Variants in TMX1 observed in about 807,000 individuals in gnomAD.
TMX1 encodes thioredoxin related transmembrane protein 1.
TMX1 carries 25 observed loss-of-function variants against 36.6 expected under a neutral mutation model. The observed-to-expected ratio is 0.68, with a 90% CI of 0.50 to 0.95. The LOEUF is 0.95. Ranked by LOEUF, TMX1 falls within the 40% of genes least tolerant of loss-of-function variation. The pLI is 0.00. For synonymous variants in TMX1, 133 were observed against 118.0 expected (o/e 1.13, Z -0.82); for missense variants, 347 against 339.6 (o/e 1.02, Z -0.17).
intron 4 of TMX1, among the ~76,000 whole-genome samples, chr14:51,247,826 A>G (rs890920241): frequency 6.6e-6 from 1 of 152,218 alleles, no homozygotes; most frequent in East Asian, 1.9e-4. Flanking sequence ...AAGAGTCTTC[A>G]CAGTGTAATG....
In TMX1 at chr14:51,249,777, T is replaced by C. The variant is rs751398346; in HGVS notation, c.664+12T>C. ...CCCATACCCTTCAAGTAAGTATATTTTAAAATGTTTATTTTTTATTCACGA... is the reference window on the plus strand; with the variant it reads ...CCCATACCCTTCAAGTAAGTATATTCTAAAATGTTTATTTTTTATTCACGA... On this transcript the variant is annotated intron_variant, in intron 7 of 7. Coordinates refer to ENST00000457354, the MANE Select transcript of TMX1 (RefSeq NM_030755.5). The C allele has an allele frequency of 3.2e-6, 5 of 1,579,458 alleles. No individual in the cohort carries two copies. Among genetic ancestry groups the C allele is most frequent in the Non-Finnish European group, 4.3e-6 (5 of 1,158,322 alleles).
intron 4 of TMX1, among the ~76,000 whole-genome samples, chr14:51,248,021 G>C (rs1172252258): frequency 6.6e-6 from 1 of 152,180 alleles, no homozygotes; most frequent in African/African-American, 2.4e-5. Flanking sequence ...AATTATGTTT[G>C]GTTGGTTATT....
rs947680329 is a variant in TMX1, at chr14:51,257,209, T to G, written c.*2690T>G. ...AACCATAATTATTCAGTATTTGCAG[T>G]CTCGTGATGTTGGTTATTGCATAAA... On this transcript the variant is annotated 3_prime_UTR_variant, in exon 8 of 8. Coordinates refer to ENST00000457354, the MANE Select transcript of TMX1 (RefSeq NM_030755.5). 6.6e-6 allele frequency: 1 copy of G among 152,226 alleles called. No individual in the cohort carries two copies. The highest frequency in any genetic ancestry group is 6.5e-5 in the Admixed American group (1 of 15,282). 9.4% of individuals were successfully genotyped at this position (152,226 alleles called of 1,614,324 possible).
At chr14:51,243,384 C>T (rs917046240) in intron 1 of TMX1, among the ~76,000 whole-genome samples, 3 of 152,332 alleles carry the variant, frequency 2.0e-5, no homozygotes, top group Non-Finnish European at 1.5e-5. Flanking sequence ...GTGCCAGCAT[C>T]CTTAGTGGCA....
chr14:51,242,680 G>A lies in TMX1; in HGVS notation c.153-1176G>A, dbSNP rs912775950. Among the ~76,000 whole-genome samples the A allele has an allele frequency of 2.6e-5, 4 of 152,164 alleles. 1 individual carries two copies. The highest frequency in any genetic ancestry group is 1.9e-4 in the East Asian group (1 of 5,198). ...CTGTAGTCCCAGCTACTTGGGCTGA[G>A]GTGGGAGGATGTCTTGAGCCCGGGA... is the stretch of plus-strand genomic sequence containing the variant. On this transcript the variant is annotated intron_variant, in intron 1 of 7. Coordinates refer to ENST00000457354, the MANE Select transcript of TMX1 (RefSeq NM_030755.5).
At position 51,243,875 on chromosome 14, in the gene TMX1, G is replaced by A. The variant is rs1385099495; in HGVS notation, c.172G>A (p.Ala58Thr). 8.7e-6 allele frequency: 14 copies of A among 1,610,170 alleles called. No homozygotes were observed. Among genetic ancestry groups the A allele is most frequent in the African/African-American group, 1.3e-5 (1 of 74,776 alleles). Reference protein sequence around the residue: ...MIEFYAPWCPACQNLQPEWES... With the variant: ...MIEFYAPWCPTCQNLQPEWES... ...TCTTAGTTATGCCCCGTGGTGCCCT[G>A]CTTGTCAAAATCTTCAACCGGAATG... The change falls in exon 2 of 8, where the codon GCT becomes ACT. Residue 58 changes from alanine (A) to threonine (T), a missense_variant. By Grantham distance (58) the Ala-to-Thr change is moderately conservative. Coordinates refer to ENST00000457354, the MANE Select transcript of TMX1 (RefSeq NM_030755.5).
At chr14:51,247,249 A>G in intron 4 of TMX1, 29 bp downstream of exon 4, 1 of 1,588,758 alleles carries the variant, frequency 6.3e-7, no homozygotes, top group Non-Finnish European at 8.5e-7. Context: ...TCTCTTACCC[A>G]TTTCATAATT....
intron 3 of TMX1, among the ~76,000 whole-genome samples, chr14:51,246,141 G>A (rs2065784556): frequency 6.6e-6 from 1 of 151,408 alleles, no homozygotes; most frequent in Non-Finnish European, 1.5e-5. Flanking sequence ...ATTTCTGTTC[G>A]CTGTCTCCAT....
At chr14:51,246,702 T>A (rs1023412557) in intron 3 of TMX1, among the ~76,000 whole-genome samples, 5 of 152,222 alleles carry the variant, frequency 3.3e-5, no homozygotes, top group African/African-American at 1.2e-4. Context: ...TGCCTTAAAA[T>A]TTTAAGTTAT....
At chr14:51,252,785 T>C (rs1342588356) in intron 7 of TMX1, among the ~76,000 whole-genome samples, 4 of 152,172 alleles carry the variant, frequency 2.6e-5, no homozygotes, top group African/African-American at 9.7e-5. Context: ...TTGGAATTTA[T>C]TGGTTTATGT....
At chr14:51,248,930 C>T (rs2065798725) in intron 4 of TMX1, among the ~76,000 whole-genome samples, 1 of 152,134 alleles carries the variant, frequency 6.6e-6, no homozygotes, top group Non-Finnish European at 1.5e-5. Context: ...TGTTTCCAGT[C>T]CTTACTTTAG....
chr14:51,256,028 C>T lies in TMX1; in HGVS notation c.*1509C>T, dbSNP rs535793164. ...TATCCTAAGCACAAAATAAACCTTTCTAACCACTTCATTAAAGCTGAAGAC... is the reference window on the plus strand; with the variant it reads ...TATCCTAAGCACAAAATAAACCTTTTTAACCACTTCATTAAAGCTGAAGAC... On this transcript the variant is annotated 3_prime_UTR_variant, in exon 8 of 8. Transcript: ENST00000457354. 1.3e-5 allele frequency: 2 copies of T among 152,674 alleles called. No homozygotes were observed. The highest frequency in any genetic ancestry group is 1.3e-4 in the Admixed American group (2 of 15,298). The allele number at this position is 152,674 out of a possible 1,614,324, so 9.5% of individuals were successfully genotyped here.
chr14:51,248,677 A>G (rs1473608896), intron 4 of TMX1, among the ~76,000 whole-genome samples: 1 of 152,166 alleles, frequency 6.6e-6, no homozygotes, highest in African/African-American at 2.4e-5. Context: ...TTGTAAGTCT[A>G]TTTTCAAGCA....
At position 51,254,474 on chromosome 14, in the gene TMX1, AAGAC is replaced by A; in HGVS notation, c.800_803del (p.Arg267AsnfsTer15). The A allele has an allele frequency of 6.2e-7, 1 of 1,610,048 alleles. No homozygotes were observed. The highest frequency in any genetic ancestry group is 8.5e-7 in the Non-Finnish European group (1 of 1,178,804). ...ACAAAGACTTTCCACAGAATGCCAT[AAGAC>A]AACGCTCTCTGGGTCCATCATTGGC... On this transcript the variant is annotated frameshift_variant, in exon 8 of 8. Coordinates refer to ENST00000457354, the MANE Select transcript of TMX1 (RefSeq NM_030755.5). LOFTEE classifies it high-confidence loss of function.
chr14:51,240,509 C>T (rs774739087), intron 1 of TMX1, 65 bp downstream of exon 1: 86 of 1,562,472 alleles, frequency 5.5e-5, no homozygotes, highest in Non-Finnish European at 7.1e-5. Context: ...CCGCACGTTC[C>T]TCGTGCGGGT....
rs11625621 is a variant in TMX1, at chr14:51,246,941, G to A, written c.315-151G>A. The A allele has an allele frequency of 7.3e-6, 4 of 545,988 alleles. No homozygotes were observed. The Admixed American group carries it at 1.2e-4, about 17-fold the overall frequency. The allele number at this position is 545,988 out of a possible 1,614,324, so 33.8% of individuals were successfully genotyped here. A position where few individuals can be genotyped will look rare whatever the true frequency, so the allele number is the denominator to read the frequency against. ...TAAATTGGGGGCTAAAATGTCATGAGTAGGTAAATAGTATAATTTGCTATT... is the reference window on the plus strand; with the variant it reads ...TAAATTGGGGGCTAAAATGTCATGAATAGGTAAATAGTATAATTTGCTATT... On this transcript the variant is annotated intron_variant, in intron 3 of 7. Transcript: ENST00000457354.
chr14:51,255,406 T>A lies in TMX1; in HGVS notation c.*887T>A, dbSNP rs2065834020. On this transcript the variant is annotated 3_prime_UTR_variant, in exon 8 of 8. Coordinates refer to ENST00000457354, the MANE Select transcript of TMX1 (RefSeq NM_030755.5). The stretch of plus-strand genomic sequence containing the variant: ...CAACTTGAAATTGTTTTTTTTTTTT[T>A]TTCTTTTTGGATGTGAAGGTGAACA... 1 of 150,206 alleles carries A rather than the reference T, an allele frequency of 6.7e-6. No individual in the cohort carries two copies. The highest frequency in any genetic ancestry group is 2.4e-5 in the African/African-American group (1 of 41,082). 9.3% of individuals were successfully genotyped at this position (150,206 alleles called of 1,614,324 possible).
intron 2 of TMX1, among the ~76,000 whole-genome samples, chr14:51,244,830 C>T (rs1330881781): frequency 6.6e-6 from 1 of 152,176 alleles, no homozygotes; most frequent in Non-Finnish European, 1.5e-5. Flanking sequence ...AATATCAGTG[C>T]TTGACACATG....
At chr14:51,251,377 CTT>C (rs1243972124) in intron 7 of TMX1, among the ~76,000 whole-genome samples, 1 of 152,156 alleles carries the variant, frequency 6.6e-6, no homozygotes, top group African/African-American at 2.4e-5. Context: ...GCCTTTTTGA[CTT>C]ATGATATTTT....
Sources: allele counts gnomAD v4.1 joint callset (sites outside exome capture counted in the v4.1 genomes callset), GRCh38; gene constraint gnomAD v4.1.1; transcripts MANE v1.5; gene names NCBI Gene and HGNC (gene_info 2026-07-23, HGNC 2026-07-21).